ESCO2: variants seen among roughly 807,000 people sequenced by gnomAD.
The protein encoded by ESCO2 is N-acetyltransferase ESCO2.
In ESCO2, 51 loss-of-function variants were observed where a neutral mutation model predicts 61.7. The observed-to-expected ratio is 0.83, with a 90% CI of 0.66 to 1.04. The LOEUF (loss-of-function observed/expected upper bound fraction) is 1.04, where lower values mean the gene tolerates loss of function less well. Among genes scored for constraint, ESCO2 ranks in the 50% least tolerant of loss-of-function variants. The probability of loss-of-function intolerance (pLI) is 0.00; values close to 1 mark genes in which losing one functional copy is unlikely to be tolerated. For synonymous variants in ESCO2, 230 were observed against 238.2 expected, an observed-to-expected ratio of 0.97 and a Z score of 0.32; for missense variants, 692 against 686.2, an observed-to-expected ratio of 1.01 and a Z score of -0.09.
intron 10 of ESCO2, among the ~76,000 whole-genome samples, chr8:27,800,315 A>G (rs1452125705): frequency 6.6e-6 from 1 of 152,240 alleles, no homozygotes; most frequent in Non-Finnish European, 1.5e-5. Context: ...AAAAATGGAC[A>G]AAGAATTTCA....
rs1804813233 is a variant in ESCO2 at position 27,777,146 on chromosome 8, AAAAAT to A, written c.842_846del (p.Asn281ArgfsTer10). The stretch of plus-strand genomic sequence containing the variant: ...AATTGGACTACTGAGTGCAAGCAGT[AAAAAT>A]AAAGAGAAATTAATAAAGGTAAAGC... On this transcript the variant is annotated frameshift_variant, in exon 3 of 11. Transcript: ENST00000305188. LOFTEE classifies it high-confidence loss of function. 6.2e-7 allele frequency: 1 copy of A among 1,600,082 alleles called. No individual in the cohort carries two copies. The highest frequency in any genetic ancestry group is 1.1e-5 in the South Asian group (1 of 87,314).
In ESCO2 at chr8:27,800,557, A is replaced by G. The variant is rs573219377; in HGVS notation, c.1673+841A>G. Among the ~76,000 whole-genome samples, 35 of 152,266 alleles carry G rather than the reference A, an allele frequency of 2.3e-4. No individual in the cohort carries two copies. The South Asian group carries it at 4.1e-3, about 18-fold the overall frequency. ...TGCAGTTGGTGTGGAATACAATCTG[A>G]TGGTTTCTCAAAGTTAAACTGTTAT... On this transcript the variant is annotated intron_variant, in intron 10 of 10. Transcript: ENST00000305188.
Position 27,780,151 on chromosome 8 carries a change from T to G in ESCO2, c.862-23T>G, listed in dbSNP as rs1302578720. Reference sequence around the variant, plus strand: ...TAGTTAAAAATTACAGATGTTTGGTTTTTTTTTTAAACCTATTTTCAGGAT... The same window carrying G: ...TAGTTAAAAATTACAGATGTTTGGTGTTTTTTTTAAACCTATTTTCAGGAT... On this transcript the variant is annotated intron_variant, in intron 3 of 10. Transcript: ENST00000305188. 4.2e-6 allele frequency: 6 copies of G among 1,444,594 alleles called. No homozygotes were observed. The African/African-American group carries it at 5.7e-5, about 14-fold the overall frequency. The allele number at this position is 1,444,594 out of a possible 1,614,324, so 89.5% of individuals were successfully genotyped here.
chr8:27,798,989 C>T (rs963438869), intron 9 of ESCO2, among the ~76,000 whole-genome samples: 1 of 152,086 alleles, frequency 6.6e-6, no homozygotes, highest in Non-Finnish European at 1.5e-5. Context: ...TGTCATGAAA[C>T]TATACACACC....
intron 9 of ESCO2, among the ~76,000 whole-genome samples, chr8:27,793,863 C>T (rs1005740103): frequency 2.0e-5 from 3 of 152,174 alleles, no homozygotes; most frequent in African/African-American, 7.2e-5. Flanking sequence ...CGAACTTAAA[C>T]TTTGTACCCT....
chr8:27,804,388 C>T lies in ESCO2; in HGVS notation c.*950C>T. The T allele has an allele frequency of 1.0e-6, 1 of 985,274 alleles. No individual in the cohort carries two copies. Among genetic ancestry groups the T allele is most frequent in the Non-Finnish European group, 1.2e-6 (1 of 829,884 alleles). 61.0% of individuals were successfully genotyped at this position (985,274 alleles called of 1,614,324 possible). A position where few individuals can be genotyped will look rare whatever the true frequency, so the allele number is the denominator to read the frequency against. Reference sequence around the variant, plus strand: ...GATGTTTTCATTTTCTAATTTTTTGCTTGTTTAAAATGCACCTTACTTGTT... The same window carrying T: ...GATGTTTTCATTTTCTAATTTTTTGTTTGTTTAAAATGCACCTTACTTGTT... On this transcript the variant is annotated 3_prime_UTR_variant, in exon 11 of 11. Transcript: ENST00000305188.
chr8:27,792,556 G>T, intron 8 of ESCO2, 112 bp from the exon 9 acceptor site: 3 of 1,145,090 alleles, frequency 2.6e-6, no homozygotes, highest in Non-Finnish European at 3.7e-6. Flanking sequence ...TTAAGAAATA[G>T]AAATTAAAGA....
downstream of ESCO2, chr8:27,809,817 T>C (rs1805633127): frequency 6.5e-6 from 1 of 152,808 alleles, no homozygotes; most frequent in African/African-American, 2.4e-5. Context: ...GAGTCTGAAG[T>C]ATCCAAGGAG....
At chr8:27,810,023 C>T (rs1585417940), downstream of ESCO2, 2 of 343,740 alleles carry the variant, frequency 5.8e-6, no homozygotes, top group East Asian at 1.3e-4. Flanking sequence ...TTTAATGTTA[C>T]AGTTTACAGC....
In ESCO2 at chr8:27,786,248, A is replaced by T. The variant is rs569715903; in HGVS notation, c.1014-1637A>T. The stretch of plus-strand genomic sequence containing the variant: ...AGACAAAGACAAAAGGATCTTTTTA[A>T]AGAAGGGGTCGGGAGCTCCTGCTAG... On this transcript the variant is annotated intron_variant, in intron 5 of 10. Coordinates refer to ENST00000305188, the MANE Select transcript of ESCO2 (RefSeq NM_001017420.3). Among the ~76,000 whole-genome samples the T allele has an allele frequency of 2.0e-5, 3 of 152,358 alleles. No individual in the cohort carries two copies. In the East Asian group the frequency reaches 5.8e-4, roughly 29 times the overall value.
At chr8:27,783,212 GA>G (rs2128953189) in intron 4 of ESCO2, among the ~76,000 whole-genome samples, 1 of 152,160 alleles carries the variant, frequency 6.6e-6, no homozygotes, top group South Asian at 2.1e-4. Flanking sequence ...CCTTTTCCAG[GA>G]AAAACATTAC....
downstream of ESCO2, among the ~76,000 whole-genome samples, chr8:27,810,777 C>G (rs573283073): frequency 6.6e-6 from 1 of 152,204 alleles, no homozygotes; most frequent in South Asian, 2.1e-4. Context: ...TAATGTTTTG[C>G]TTCTCTGGAT....
In ESCO2 at chr8:27,775,532, A is replaced by G. The variant is rs781698140; in HGVS notation, c.18A>G (p.Pro6=). The change falls in exon 2 of 11, where the codon CCA becomes CCG. Residue 6 remains proline, a synonymous_variant. Coordinates refer to ENST00000305188, the MANE Select transcript of ESCO2 (RefSeq NM_001017420.3). ...TAAAGAAAATGGCAGCTCTTACTCC[A>G]AGGAAGAGGAAGCAGGATTCTTTGA... MAALT[P]RKRKQDSLKC... is the part of the protein sequence containing the mutation. 62 of 1,614,026 alleles carry G rather than the reference A, an allele frequency of 3.8e-5. No individual in the cohort carries two copies. The highest frequency in any genetic ancestry group is 4.8e-5 in the Non-Finnish European group (57 of 1,179,976).
chr8:27,816,890 T>C (rs1805825713), downstream of ESCO2, among the ~76,000 whole-genome samples: 1 of 152,072 alleles, frequency 6.6e-6, no homozygotes, highest in Non-Finnish European at 1.5e-5. Flanking sequence ...GTAGTATAAA[T>C]TAAACCACCC....
chr8:27,792,956 T>C, intron 9 of ESCO2, 145 bp downstream of exon 9: 1 of 977,970 alleles, frequency 1.0e-6, no homozygotes, highest in Non-Finnish European at 1.4e-6. Context: ...ATTGAAGTTA[T>C]TTATTTCCAT....
chr8:27,789,242 A>T (rs1376331555), intron 7 of ESCO2, among the ~76,000 whole-genome samples: 1 of 152,202 alleles, frequency 6.6e-6, no homozygotes, highest in Non-Finnish European at 1.5e-5. Flanking sequence ...GGAAAAAAAT[A>T]GCCTTCCCAT....
intron 6 of ESCO2, 95 bp downstream of exon 6, chr8:27,788,097 A>G: frequency 2.4e-6 from 2 of 841,894 alleles, no homozygotes; most frequent in Non-Finnish European, 4.1e-6. Flanking sequence ...GGTATTTTCA[A>G]TGTCATTAAG....
chr8:27,811,354 A>G (rs1339957979), downstream of ESCO2: 1 of 596,882 alleles, frequency 1.7e-6, no homozygotes, highest in East Asian at 2.8e-5. Context: ...GTAGAGAAAC[A>G]GCAATTCTCT....
At position 27,804,931 on chromosome 8, in the gene ESCO2, T is replaced by C. The variant is rs1805528659; in HGVS notation, c.*1493T>C. 1 of 339,834 alleles carries C rather than the reference T, an allele frequency of 2.9e-6. No homozygotes were observed. 21.1% of individuals were successfully genotyped at this position (339,834 alleles called of 1,614,324 possible). A position where few individuals can be genotyped will look rare whatever the true frequency, so the allele number is the denominator to read the frequency against. ...AAATCTGATTTTAATTATTTTATTA[T>C]GAAAATAGTATATGTTAAATAAAAT... is the stretch of plus-strand genomic sequence containing the variant. On this transcript the variant is annotated 3_prime_UTR_variant, in exon 11 of 11. Transcript: ENST00000305188.
Sources: gnomAD v4.1 joint callset for allele counts (sites outside exome capture counted in the v4.1 genomes callset) on GRCh38, gnomAD v4.1.1 for gene constraint, MANE v1.5 for transcripts, NCBI Gene and HGNC (gene_info 2026-07-23, HGNC 2026-07-21) for gene names.